EPB41L4A: variants seen among roughly 807,000 people sequenced by gnomAD.
The protein encoded by EPB41L4A is band 4.1-like protein 4A.
Under a neutral mutation model 108.6 loss-of-function variants are expected in EPB41L4A, and 100 were observed. The ratio of observed to expected loss-of-function variants is 0.92; its 90% CI spans 0.78 to 1.09. The LOEUF is 1.09. Among genes scored for constraint, EPB41L4A ranks in the 50% least tolerant of loss-of-function variants. The probability of loss-of-function intolerance (pLI) is 0.00; values close to 1 mark genes in which losing one functional copy is unlikely to be tolerated. For synonymous variants in EPB41L4A, 319 were observed against 289.0 expected (o/e 1.10, Z -1.05); for missense variants, 1,030 against 842.7 (o/e 1.22, Z -2.75).
intron 12 of EPB41L4A, among the ~76,000 whole-genome samples, chr5:112,156,985 G>T (rs1759669548): frequency 6.6e-6 from 1 of 152,110 alleles, no homozygotes. Flanking sequence ...AAAGATCATG[G>T]TGTCTGCGTG....
chr5:112,295,260 G>A (rs1435973272), intron 2 of EPB41L4A, among the ~76,000 whole-genome samples: 3 of 152,174 alleles, frequency 2.0e-5, no homozygotes, highest in African/African-American at 7.2e-5. Flanking sequence ...ATGTAGTTGG[G>A]AATGACACCC....
intron 6 of EPB41L4A, 162 bp downstream of exon 6, chr5:112,264,734 G>T: frequency 1.6e-6 from 1 of 612,146 alleles, no homozygotes; most frequent in Non-Finnish European, 2.5e-6. Flanking sequence ...TGAAGTTTTC[G>T]ATGAGCATTT....
At chr5:112,192,583 C>T (rs745673466) in intron 17 of EPB41L4A, among the ~76,000 whole-genome samples, 25 of 152,140 alleles carry the variant, frequency 1.6e-4, no homozygotes, top group Non-Finnish European at 3.1e-4. Flanking sequence ...ACTTTTTACA[C>T]AGTACAAAGA....
intron 6 of EPB41L4A, among the ~76,000 whole-genome samples, chr5:112,262,827 C>T (rs2150447079): frequency 6.6e-6 from 1 of 152,290 alleles, no homozygotes; most frequent in South Asian, 2.1e-4. Context: ...CCCAATGTCC[C>T]AGCATATATT....
chr5:112,410,373 A>C (rs1015312889), intron 1 of EPB41L4A, among the ~76,000 whole-genome samples: 2 of 152,208 alleles, frequency 1.3e-5, no homozygotes, highest in Admixed American at 6.5e-5. Context: ...AGAGCACTCT[A>C]GATGCAGGTG....
At chr5:112,381,098 C>T (rs1278583559) in intron 1 of EPB41L4A, among the ~76,000 whole-genome samples, 1 of 152,132 alleles carries the variant, frequency 6.6e-6, no homozygotes, top group Admixed American at 6.5e-5. Context: ...TGATATTCTG[C>T]CGTAAAAATG....
intron 18 of EPB41L4A, among the ~76,000 whole-genome samples, chr5:112,175,041 G>A (rs555256283): frequency 6.6e-6 from 1 of 152,270 alleles, no homozygotes; most frequent in South Asian, 2.1e-4. Flanking sequence ...TCCGGGTTGG[G>A]GGTGGGGGTT....
intron 9 of EPB41L4A, among the ~76,000 whole-genome samples, chr5:112,248,300 G>C (rs1289197374): frequency 6.6e-6 from 1 of 152,100 alleles, no homozygotes; most frequent in Admixed American, 6.6e-5. Context: ...ACCTCTTCCA[G>C]ATAAACATGG....
intron 17 of EPB41L4A, 147 bp from the exon 18 acceptor site, chr5:112,184,282 T>C: frequency 3.5e-6 from 3 of 846,942 alleles, no homozygotes; most frequent in Non-Finnish European, 5.4e-6. Flanking sequence ...ACTGAATTAA[T>C]ATATCCATAT....
At chr5:112,202,297 T>C (rs1037837317) in intron 15 of EPB41L4A, among the ~76,000 whole-genome samples, 1 of 152,136 alleles carries the variant, frequency 6.6e-6, no homozygotes, top group African/African-American at 2.4e-5. Flanking sequence ...TGCTCAAAGG[T>C]GGAAGCGGCT....
chr5:112,212,387 G>A (rs1275686429), intron 12 of EPB41L4A, among the ~76,000 whole-genome samples: 4 of 151,034 alleles, frequency 2.6e-5, no homozygotes, highest in Non-Finnish European at 5.9e-5. Context: ...CTGCCTCCTC[G>A]GTTCAAGCAA....
At chr5:112,337,034 C>A (rs1756963286) in intron 1 of EPB41L4A, among the ~76,000 whole-genome samples, 1 of 152,164 alleles carries the variant, frequency 6.6e-6, no homozygotes, top group African/African-American at 2.4e-5. Context: ...TGTATAGAAA[C>A]AATATGCATT....
intron 2 of EPB41L4A, among the ~76,000 whole-genome samples, chr5:112,297,105 G>T (rs12652336): frequency 0.023 from 3,563 of 152,210 alleles, 199 homozygotes; most frequent in Admixed American, 0.12. Flanking sequence ...ATAAACATGG[G>T]TGTGCAAGTA....
chr5:112,161,180 C>A (rs761573605), downstream of EPB41L4A: 3 of 235,460 alleles, frequency 1.3e-5, no homozygotes, highest in African/African-American at 4.6e-5. Flanking sequence ...AAGGCCTTAC[C>A]GTATAACTGA....
chr5:112,274,236 C>T (rs927410575), intron 4 of EPB41L4A, among the ~76,000 whole-genome samples: 1 of 152,114 alleles, frequency 6.6e-6, no homozygotes, highest in African/African-American at 2.4e-5. Flanking sequence ...GCTATGATTA[C>T]ACCACTACAC....
chr5:112,383,168 T>C (rs1760282806), intron 1 of EPB41L4A, among the ~76,000 whole-genome samples: 1 of 152,162 alleles, frequency 6.6e-6, no homozygotes, highest in Admixed American at 6.5e-5. Context: ...AAAGAAACAA[T>C]GGCTCCCAAA....
chr5:112,389,698 T>C (rs893513429), intron 1 of EPB41L4A, among the ~76,000 whole-genome samples: 4 of 152,194 alleles, frequency 2.6e-5, no homozygotes, highest in Non-Finnish European at 4.4e-5. Flanking sequence ...GCCCCACTCA[T>C]TGGAACACTT....
At chr5:112,195,551 G>GT in intron 16 of EPB41L4A, 110 bp downstream of exon 16, 1 of 909,864 alleles carries the variant, frequency 1.1e-6, no homozygotes, top group Non-Finnish European at 1.7e-6. Context: ...GCTTTTGAAA[G>GT]TAAAAAAAAT....
At chr5:112,301,882 A>G (rs572822330) in intron 2 of EPB41L4A, among the ~76,000 whole-genome samples, 86 of 152,216 alleles carry the variant, frequency 5.6e-4, no homozygotes, top group African/African-American at 2.0e-3. Flanking sequence ...ATTCCAATTT[A>G]TATGTATATT....
Sources: allele counts gnomAD v4.1 joint callset (sites outside exome capture counted in the v4.1 genomes callset), GRCh38; gene constraint gnomAD v4.1.1; transcripts MANE v1.5; gene names NCBI Gene and HGNC (gene_info 2026-07-23, HGNC 2026-07-21).